Variants in TFAP2A observed in about 807,000 individuals in gnomAD.
TFAP2A encodes transcription factor AP-2-alpha.
TFAP2A carries 7 observed loss-of-function variants against 41.5 expected under a neutral mutation model. The observed-to-expected ratio is 0.17, with a 90% CI of 0.10 to 0.32. The LOEUF (loss-of-function observed/expected upper bound fraction) is 0.32, where lower values mean the gene tolerates loss of function less well. Ranked by LOEUF, TFAP2A falls within the 10% of genes least tolerant of loss-of-function variation. The probability of loss-of-function intolerance (pLI) is 1.00; values close to 1 mark genes in which losing one functional copy is unlikely to be tolerated. For missense variants in TFAP2A, 416 were observed against 563.3 expected (o/e 0.74, Z 2.65); for synonymous variants, 247 against 242.8 (o/e 1.02, Z -0.16).
At chr6:10,414,511 T>G in intron 1 of TFAP2A, 1 of 314,056 alleles carries the variant, frequency 3.2e-6, no homozygotes, top group Non-Finnish European at 6.1e-6. Flanking sequence ...GAAGGAATAT[T>G]AAAGATCGGA....
At chr6:10,415,336 A>G (rs918997026), upstream of TFAP2A, 35 of 1,220,174 alleles carry the variant, frequency 2.9e-5, no homozygotes, top group South Asian at 1.6e-4. Flanking sequence ...CAATAGTCCA[A>G]TTGCTCGCCA....
At chr6:10,401,797 C>G (rs1762017971) in intron 5 of TFAP2A, among the ~76,000 whole-genome samples, 2 of 152,236 alleles carry the variant, frequency 1.3e-5, no homozygotes, top group Non-Finnish European at 2.9e-5. Flanking sequence ...AATCTAGAGG[C>G]AGCAGGAATA....
rs1390369681 is a variant in TFAP2A, at chr6:10,404,756, G to C, written c.539-17C>G. On this transcript the variant is annotated splice_polypyrimidine_tract_variant and intron_variant, in intron 3 of 6. Transcript: ENST00000379613. Reference sequence around the variant, plus strand: ...ACACGGGGCCTGCGGAGACAGAGGGGAGGCCGCGTGTTGGGCGTCGTGGAT... The same window carrying C: ...ACACGGGGCCTGCGGAGACAGAGGGCAGGCCGCGTGTTGGGCGTCGTGGAT... The C allele has an allele frequency of 3.1e-6, 5 of 1,609,420 alleles. No individual in the cohort carries two copies. Among genetic ancestry groups the C allele is most frequent in the Non-Finnish European group, 3.4e-6 (4 of 1,175,786 alleles).
chr6:10,398,842 G>T lies in TFAP2A; in HGVS notation c.1032-137C>A, dbSNP rs917739486. On this transcript the variant is annotated intron_variant, in intron 6 of 6. Coordinates refer to ENST00000379613, the MANE Select transcript of TFAP2A (RefSeq NM_001372066.1). This position sits in a 1 kb window ranked among gnomAD's most constrained non-coding sequence, Gnocchi z 5.3. ...ACCTGACATGACCCAAGACCCCAGA[G>T]ACAGACAGTGTGGCCACATGTTGGG... is the stretch of plus-strand genomic sequence containing the variant. 2 of 986,522 alleles carry T rather than the reference G, an allele frequency of 2.0e-6. No homozygotes were observed. The highest frequency in any genetic ancestry group is 1.6e-5 in the South Asian group (1 of 61,594). The allele number at this position is 986,522 out of a possible 1,614,324, so 61.1% of individuals were successfully genotyped here.
At position 10,404,467 on chromosome 6, in the gene TFAP2A, C is replaced by A. The variant is rs1014344009; in HGVS notation, c.770+41G>T. The A allele has an allele frequency of 5.0e-5, 72 of 1,435,580 alleles. No homozygotes were observed. The African/African-American group carries it at 8.1e-4, about 16-fold the overall frequency. The allele number at this position is 1,435,580 out of a possible 1,614,324, so 88.9% of individuals were successfully genotyped here. A position where few individuals can be genotyped will look rare whatever the true frequency, so the allele number is the denominator to read the frequency against. ...CCCGGCGCAAGCGCAGTGGTTCCCC[C>A]GGCCGCGGGGCGGGGCGGGCGGGGC... On this transcript the variant is annotated intron_variant, in intron 4 of 6. Transcript: ENST00000379613.
intron 2 of TFAP2A, chr6:10,409,257 G>A (rs1757845450): frequency 6.6e-6 from 1 of 152,390 alleles, no homozygotes; most frequent in African/African-American, 2.4e-5. Context: ...TTAATATGGA[G>A]TGTAGCAGGT....
At chr6:10,409,845 G>T in intron 2 of TFAP2A, 56 bp downstream of exon 2, 2 of 1,534,486 alleles carry the variant, frequency 1.3e-6, no homozygotes, top group Non-Finnish European at 1.8e-6. Context: ...TATCCTTTCT[G>T]GGGTAGGTAA....
At chr6:10,413,100 T>C (rs1374862807) in intron 1 of TFAP2A, among the ~76,000 whole-genome samples, 2 of 152,096 alleles carry the variant, frequency 1.3e-5, no homozygotes, top group African/African-American at 2.4e-5. Flanking sequence ...CCTTTGCCAG[T>C]CTACCCGCCA....
rs1757524313 is a variant in TFAP2A, at chr6:10,403,627, G to A, written c.770+881C>T. 2.0e-5 allele frequency among the ~76,000 whole-genome samples: 3 copies of A among 152,184 alleles called. No homozygotes were observed. The South Asian group carries it at 6.2e-4, about 31-fold the overall frequency. On this transcript the variant is annotated intron_variant, in intron 4 of 6. Coordinates refer to ENST00000379613, the MANE Select transcript of TFAP2A (RefSeq NM_001372066.1). ...AAAGAAGAGAAGAAACATTATCCGGGTAAGTTCAACACAAGCCCCACAACT... is the reference window on the plus strand; with the variant it reads ...AAAGAAGAGAAGAAACATTATCCGGATAAGTTCAACACAAGCCCCACAACT...
chr6:10,401,294 C>G (rs771809735), intron 5 of TFAP2A, among the ~76,000 whole-genome samples: 1 of 152,196 alleles, frequency 6.6e-6, no homozygotes, highest in African/African-American at 2.4e-5. Flanking sequence ...CAAACCCAGA[C>G]GAACTCCACG....
chr6:10,400,877 TTC>T (rs1400476263), intron 5 of TFAP2A: 4 of 600,202 alleles, frequency 6.7e-6, no homozygotes, highest in South Asian at 6.1e-5. Flanking sequence ...CTTCTCCAAA[TTC>T]TCTTTTAAAA....
At chr6:10,411,466 G>C in intron 1 of TFAP2A, 1 of 1,605,430 alleles carries the variant, frequency 6.2e-7, no homozygotes. Context: ...GTGTCCTGAA[G>C]GAAAGCTGGG....
At chr6:10,399,326 T>G (rs552347643) in intron 6 of TFAP2A, among the ~76,000 whole-genome samples, 1 of 152,302 alleles carries the variant, frequency 6.6e-6, no homozygotes, top group East Asian at 1.9e-4. Context: ...TGGAGATAAT[T>G]CAAAGTAGTG....
chr6:10,405,890 TA>T (rs1247041369), intron 3 of TFAP2A: 2 of 152,212 alleles, frequency 1.3e-5, no homozygotes, highest in African/African-American at 4.8e-5. Flanking sequence ...AGATTACTAA[TA>T]AAAGAGCCAA....
upstream of TFAP2A, chr6:10,415,119 G>A (rs1454784601): frequency 2.5e-6 from 4 of 1,583,158 alleles, no homozygotes; most frequent in Non-Finnish European, 3.4e-6. Flanking sequence ...GGAGGTGGAG[G>A]AGGAGAAGGA....
chr6:10,408,642 A>T (rs370991574), intron 2 of TFAP2A, among the ~76,000 whole-genome samples: 1 of 152,250 alleles, frequency 6.6e-6, no homozygotes, highest in Admixed American at 6.5e-5. Context: ...ATACAGACAT[A>T]CAGTGCTCAC....
chr6:10,418,842 G>C (rs1398150172), upstream of TFAP2A, among the ~76,000 whole-genome samples: 1 of 152,142 alleles, frequency 6.6e-6, no homozygotes, highest in African/African-American at 2.4e-5. Flanking sequence ...GGCAAACTTT[G>C]TATCTCCTAC....
chr6:10,400,601 G>A lies in TFAP2A; in HGVS notation c.890-12C>T, dbSNP rs1761971558. On this transcript the variant is annotated splice_polypyrimidine_tract_variant and intron_variant, in intron 5 of 6. Transcript: ENST00000379613. ...GTGGACAGCTTCTCCTGGCAAGAGG[G>A]GAGAGGAGGGAGCCAGTGCGAGAGA... 6.2e-7 allele frequency: 1 copy of A among 1,613,964 alleles called. No individual in the cohort carries two copies. Among genetic ancestry groups the A allele is most frequent in the Non-Finnish European group, 8.5e-7 (1 of 1,180,046 alleles).
intron 1 of TFAP2A, among the ~76,000 whole-genome samples, chr6:10,413,697 T>C (rs1758105134): frequency 6.6e-6 from 1 of 151,950 alleles, no homozygotes; most frequent in African/African-American, 2.4e-5. Context: ...GTGGGGGGCC[T>C]GAAAGGAGAA....
Sources: allele counts gnomAD v4.1 joint callset (sites outside exome capture counted in the v4.1 genomes callset), GRCh38; gene constraint gnomAD v4.1.1; non-coding constraint Gnocchi (gnomAD v3.1); transcripts MANE v1.5; gene names NCBI Gene and HGNC (gene_info 2026-07-23, HGNC 2026-07-21).